Variants in GNAS observed in about 807,000 individuals in gnomAD.
GNAS encodes GNAS complex locus.
Under a neutral mutation model 54.5 loss-of-function variants are expected in GNAS, and 8 were observed. That is an observed-to-expected ratio of 0.15 (90% confidence interval 0.09 to 0.26). The LOEUF is 0.26. Among genes scored for constraint, GNAS ranks in the 10% least tolerant of loss-of-function variants. GNAS has a pLI of 1.00. For missense variants in GNAS, 170 were observed against 529.8 expected (o/e 0.32, Z 6.67); for synonymous variants, 204 against 191.4 (o/e 1.07, Z -0.54).
In GNAS at chr20:58,853,324, CT is replaced by C; in HGVS notation, c.43+12439del. On this transcript the variant is annotated intron_variant, in intron 1 of 12. Transcript: ENST00000306090. The surrounding 1 kb of genome is among the most constrained non-coding windows in gnomAD (Gnocchi z 4.4). ...ATGTCAGGACAACGCGATATCCCCC[CT>C]GAAATCGGGGAACAGCCCGAGCAAC... 1 of 1,550,624 alleles carries C rather than the reference CT, an allele frequency of 6.4e-7. No individual in the cohort carries two copies. The highest frequency in any genetic ancestry group is 8.7e-7 in the Non-Finnish European group (1 of 1,146,876).
At chr20:58,847,987 C>T (rs904927816) in intron 1 of GNAS, among the ~76,000 whole-genome samples, 1 of 152,182 alleles carries the variant, frequency 6.6e-6, no homozygotes. Context: ...TTCCAAGGAA[C>T]GGGGCTGTAA....
chr20:58,841,962 G>C lies in GNAS; in HGVS notation c.43+1076G>C. 1 of 1,112,558 alleles carries C rather than the reference G, an allele frequency of 9.0e-7. No homozygotes were observed. Among genetic ancestry groups the C allele is most frequent in the Non-Finnish European group, 1.1e-6 (1 of 879,044 alleles). The allele number at this position is 1,112,558 out of a possible 1,614,324, so 68.9% of individuals were successfully genotyped here. On this transcript the variant is annotated intron_variant, in intron 1 of 12. Transcript: ENST00000306090. The surrounding 1 kb of genome is among the most constrained non-coding windows in gnomAD (Gnocchi z 5.0). ...AATTCGTTTCCAAAGAGCGCGGTAC[G>C]CGCAGAGCTGGGGAAAGGTGTTGGA...
At chr20:58,885,660 A>T (rs1384836755) in intron 1 of GNAS, among the ~76,000 whole-genome samples, 1 of 152,248 alleles carries the variant, frequency 6.6e-6, no homozygotes, top group East Asian at 1.9e-4. Context: ...TTCGATTTCT[A>T]AGAACTTTTA....
intron 1 of GNAS, among the ~76,000 whole-genome samples, chr20:58,864,374 G>T (rs1329399396): frequency 6.6e-6 from 1 of 152,074 alleles, no homozygotes; most frequent in Non-Finnish European, 1.5e-5. Context: ...GAAATCTTAG[G>T]AAGTGTCCAT....
At chr20:58,864,467 G>A (rs1217788569) in intron 1 of GNAS, among the ~76,000 whole-genome samples, 15 of 152,082 alleles carry the variant, frequency 9.9e-5, no homozygotes, top group Admixed American at 6.5e-5. Flanking sequence ...AATCATTGAC[G>A]TCATTCAGGG....
upstream of GNAS, among the ~76,000 whole-genome samples, chr20:58,890,380 G>A (rs2089068089): frequency 6.6e-6 from 1 of 151,546 alleles, no homozygotes; most frequent in Non-Finnish European, 1.5e-5. Flanking sequence ...ACGGACTCGA[G>A]CGACGAGGAC....
chr20:58,851,990 C>T (rs528181632), intron 1 of GNAS, among the ~76,000 whole-genome samples: 2 of 152,284 alleles, frequency 1.3e-5, no homozygotes, highest in East Asian at 1.9e-4. Flanking sequence ...CCACCCTAAA[C>T]CGGCATTAAA....
intron 3 of GNAS, chr20:58,900,530 G>C (rs1180267039): frequency 2.2e-5 from 4 of 181,448 alleles, no homozygotes; most frequent in Non-Finnish European, 4.7e-5. Flanking sequence ...GCTGAAGCGG[G>C]GGGAGGGGAG....
chr20:58,895,592 G>C lies in GNAS; in HGVS notation c.140-20G>C. On this transcript the variant is annotated intron_variant, in intron 1 of 12. Coordinates refer to ENST00000371085, the MANE Select transcript of GNAS (RefSeq NM_000516.7). Reference sequence around the variant, plus strand: ...TTAAAATGCCTCCTTCATAACCTGAGACTTACTTTCATTTTCTAGGTGCTG... The same window carrying C: ...TTAAAATGCCTCCTTCATAACCTGACACTTACTTTCATTTTCTAGGTGCTG... 6.6e-7 allele frequency: 1 copy of C among 1,511,542 alleles called. No homozygotes were observed. The highest frequency in any genetic ancestry group is 9.2e-7 in the Non-Finnish European group (1 of 1,086,452). 93.6% of individuals were successfully genotyped at this position (1,511,542 alleles called of 1,614,324 possible). A position where few individuals can be genotyped will look rare whatever the true frequency, so the allele number is the denominator to read the frequency against.
intron 1 of GNAS, among the ~76,000 whole-genome samples, chr20:58,861,431 C>T (rs1220769544): frequency 1.3e-5 from 2 of 152,180 alleles, no homozygotes; most frequent in African/African-American, 4.8e-5. Flanking sequence ...GGCCCTAACA[C>T]GCACCTTCAC....
rs1457378947 is a variant in GNAS, at chr20:58,891,874, G to T, written c.139+9G>T. The T allele has an allele frequency of 8.6e-7, 1 of 1,169,500 alleles. No individual in the cohort carries two copies. The highest frequency in any genetic ancestry group is 1.8e-5 in the South Asian group (1 of 55,356). 72.4% of individuals were successfully genotyped at this position (1,169,500 alleles called of 1,614,324 possible). Reference sequence around the variant, plus strand: ...CCGCCTGCTGCTGCTGGGTAAGGGCGGGCGGGGGGCGCCGGCCCCGGCCCG... The same window carrying T: ...CCGCCTGCTGCTGCTGGGTAAGGGCTGGCGGGGGGCGCCGGCCCCGGCCCG... On this transcript the variant is annotated intron_variant, in intron 1 of 12. Transcript: ENST00000371085.
chr20:58,878,616 C>G (rs958205331), intron 1 of GNAS, among the ~76,000 whole-genome samples: 3 of 152,172 alleles, frequency 2.0e-5, no homozygotes, highest in African/African-American at 4.8e-5. Flanking sequence ...TCAGAGCCAA[C>G]TGGAAATACA....
intron 6 of GNAS, among the ~76,000 whole-genome samples, chr20:58,906,280 AG>A (rs1011578056): frequency 3.3e-5 from 5 of 152,186 alleles, no homozygotes; most frequent in African/African-American, 1.2e-4. Flanking sequence ...CAAATGAAGA[AG>A]GGGGAACTTA....
At chr20:58,855,785 G>A in intron 1 of GNAS, 1 of 611,694 alleles carries the variant, frequency 1.6e-6, no homozygotes. Flanking sequence ...CAGACAGCTT[G>A]TCGTTGGTGT....
intron 3 of GNAS, among the ~76,000 whole-genome samples, chr20:58,902,746 T>TTTTTC: frequency 7.4e-6 from 1 of 135,010 alleles, no homozygotes; most frequent in Non-Finnish European, 1.6e-5. Context: ...TTTTTTTTTT[T>TTTTTC]TTTTTTTGAC....
intron 2 of GNAS, 31 bp from the exon 3 acceptor site, chr20:58,898,910 A>C (rs756570304): frequency 6.2e-7 from 1 of 1,603,592 alleles, no homozygotes. Context: ...TGCCTTGCAG[A>C]TTAGGTGAGC....
intron 1 of GNAS, among the ~76,000 whole-genome samples, chr20:58,894,941 C>G (rs1214427276): frequency 6.6e-6 from 1 of 151,926 alleles, no homozygotes; most frequent in Non-Finnish European, 1.5e-5. Flanking sequence ...ATAGTTGTAC[C>G]CAGAGGGAAT....
At chr20:58,855,051 C>A in intron 1 of GNAS, 1 of 1,613,020 alleles carries the variant, frequency 6.2e-7, no homozygotes, top group Non-Finnish European at 8.5e-7. Context: ...TCAGCATCGG[C>A]GAAATCGCCG....
At chr20:58,898,913 A>G (rs1330726314) in intron 2 of GNAS, 28 bp from the exon 3 acceptor site, 1 of 1,604,270 alleles carries the variant, frequency 6.2e-7, no homozygotes, top group Non-Finnish European at 8.5e-7. Flanking sequence ...CTTGCAGATT[A>G]GGTGAGCTTT....
Sources: allele counts gnomAD v4.1 joint callset (sites outside exome capture counted in the v4.1 genomes callset), GRCh38; gene constraint gnomAD v4.1.1; non-coding constraint Gnocchi (gnomAD v3.1); transcripts MANE v1.5; gene names NCBI Gene and HGNC (gene_info 2026-07-23, HGNC 2026-07-21).